The following ATP11B variants were observed in gnomAD, a reference collection of about 807,000 sequenced individuals.
ATP11B encodes phospholipid-transporting ATPase IF.
ATP11B carries 81 observed loss-of-function variants against 157.8 expected under a neutral mutation model. The observed-to-expected ratio is 0.51, with a 90% CI of 0.43 to 0.62. ATP11B has a LOEUF of 0.62. Among genes scored for constraint, ATP11B ranks in the 20% least tolerant of loss-of-function variants. ATP11B has a pLI of 0.00. For synonymous variants in ATP11B, 451 were observed against 469.4 expected, an observed-to-expected ratio of 0.96 and a Z score of 0.51; for missense variants, 1,165 against 1,402.2, an observed-to-expected ratio of 0.83 and a Z score of 2.70.
Position 182,879,538 on chromosome 3 carries a change from TG to T in ATP11B, c.2298del (p.Thr767ProfsTer37). 6.2e-7 allele frequency: 1 copy of T among 1,612,826 alleles called. No homozygotes were observed. Among genetic ancestry groups the T allele is most frequent in the Non-Finnish European group, 8.5e-7 (1 of 1,179,578 alleles). ...HVIQHGLVVD[G>X]TSLSLALREH... ...TGATTCAGCATGGGCTGGTAGTGGATGGGACCAGCCTATCTCTTGCACTCAG... is the reference window on the plus strand; with the variant it reads ...TGATTCAGCATGGGCTGGTAGTGGATGGACCAGCCTATCTCTTGCACTCAG... On this transcript the variant is annotated frameshift_variant, in exon 20 of 30. Transcript: ENST00000323116. LOFTEE classifies it high-confidence loss of function.
chr3:182,842,020 G>T (rs1719087581), intron 7 of ATP11B, 55 bp from the exon 8 acceptor site: 1 of 983,946 alleles, frequency 1.0e-6, no homozygotes, highest in East Asian at 2.7e-5. Flanking sequence ...CAAAAAAACA[G>T]CCATTGATGT....
chr3:182,918,265 G>C lies in ATP11B; in HGVS notation c.*161G>C. ...AATGGCAAACAAACAGAAAGCATTA[G>C]TACAAGCCCCTCCCAACACCCTTAA... On this transcript the variant is annotated 3_prime_UTR_variant, in exon 30 of 30. Coordinates refer to ENST00000323116, the MANE Select transcript of ATP11B (RefSeq NM_014616.3). The C allele has an allele frequency of 1.0e-6, 1 of 986,432 alleles. No individual in the cohort carries two copies. Among genetic ancestry groups the C allele is most frequent in the South Asian group, 2.4e-5 (1 of 42,020 alleles). The allele number at this position is 986,432 out of a possible 1,614,324, so 61.1% of individuals were successfully genotyped here.
At chr3:182,840,056 G>A in intron 7 of ATP11B, among the ~76,000 whole-genome samples, 1 of 152,166 alleles carries the variant, frequency 6.6e-6, no homozygotes, top group African/African-American at 2.4e-5. Context: ...TAGTCCAAGT[G>A]CATGTACTAG....
chr3:182,914,167 T>G, intron 29 of ATP11B, 173 bp downstream of exon 29: 2 of 1,419,590 alleles, frequency 1.4e-6, no homozygotes, highest in Non-Finnish European at 1.8e-6. Context: ...GGCTTTGGGG[T>G]AAGGGCTTTT....
chr3:182,835,879 C>T (rs949455377), intron 4 of ATP11B, among the ~76,000 whole-genome samples, 156 bp from the exon 5 acceptor site: 5 of 152,154 alleles, frequency 3.3e-5, no homozygotes, highest in African/African-American at 1.2e-4. Context: ...CCAGTAGGAA[C>T]AAATATCAGA....
intron 27 of ATP11B, 120 bp downstream of exon 27, chr3:182,897,526 T>C: frequency 1.5e-6 from 1 of 646,768 alleles, no homozygotes; most frequent in Non-Finnish European, 2.5e-6. Flanking sequence ...GTAAGTTTAC[T>C]TCTTCAGTTG....
chr3:182,839,121 G>A (rs945421534), intron 7 of ATP11B, among the ~76,000 whole-genome samples: 4 of 152,158 alleles, frequency 2.6e-5, no homozygotes, highest in Non-Finnish European at 2.9e-5. Flanking sequence ...AAGAGATCAC[G>A]TCTTTTGCAG....
chr3:182,814,702 A>G (rs1253005571), intron 1 of ATP11B, among the ~76,000 whole-genome samples: 3 of 152,100 alleles, frequency 2.0e-5, no homozygotes, highest in African/African-American at 7.2e-5. Context: ...CCAGCTACTC[A>G]GAGGCTGAAA....
intron 28 of ATP11B, 145 bp from the exon 29 acceptor site, chr3:182,913,716 C>A: frequency 7.4e-7 from 1 of 1,349,436 alleles, no homozygotes; most frequent in Non-Finnish European, 1.0e-6. Flanking sequence ...TAAATTAAAG[C>A]CTTTCATATG....
intron 25 of ATP11B, among the ~76,000 whole-genome samples, chr3:182,892,054 C>T (rs1221025997): frequency 6.6e-6 from 1 of 152,206 alleles, no homozygotes; most frequent in Admixed American, 6.5e-5. Flanking sequence ...TCATGTCCTA[C>T]TCAATCCCAC....
intron 13 of ATP11B, among the ~76,000 whole-genome samples, chr3:182,866,003 A>C (rs1721204317): frequency 6.6e-6 from 1 of 152,216 alleles, no homozygotes; most frequent in Non-Finnish European, 1.5e-5. Context: ...AAATTTATTT[A>C]ATACTTTTTG....
In ATP11B at chr3:182,793,819, C is replaced by T. The variant is rs959605859; in HGVS notation, c.27+33C>T. The stretch of plus-strand genomic sequence containing the variant: ...CCCCCGCCCCTCCACCTCCATTCGT[C>T]CGCCCCCGCGGGGCCTCTCGGCCCG... On this transcript the variant is annotated intron_variant, in intron 1 of 29. Coordinates refer to ENST00000323116, the MANE Select transcript of ATP11B (RefSeq NM_014616.3). 2.7e-5 allele frequency: 35 copies of T among 1,308,164 alleles called. No homozygotes were observed. In the African/African-American group the frequency reaches 4.9e-4, roughly 18 times the overall value. The allele number at this position is 1,308,164 out of a possible 1,614,324, so 81.0% of individuals were successfully genotyped here.
chr3:182,841,829 A>G (rs746207849), intron 7 of ATP11B, among the ~76,000 whole-genome samples: 1 of 151,236 alleles, frequency 6.6e-6, no homozygotes, highest in Non-Finnish European at 1.5e-5. Context: ...ATACAAAAAA[A>G]TTAGCCAGGT....
chr3:182,879,785 T>A, intron 20 of ATP11B, 136 bp downstream of exon 20: 1 of 723,900 alleles, frequency 1.4e-6, no homozygotes, highest in South Asian at 3.4e-5. Flanking sequence ...ACATCTCATG[T>A]TGTAAATTTT....
intron 1 of ATP11B, among the ~76,000 whole-genome samples, chr3:182,799,465 A>T (rs1715842182): frequency 6.6e-6 from 1 of 151,462 alleles, no homozygotes. Context: ...TTTAGTAGAG[A>T]TGGGGTTTCT....
chr3:182,910,622 G>T (rs750273318), intron 28 of ATP11B, among the ~76,000 whole-genome samples: 27 of 152,186 alleles, frequency 1.8e-4, no homozygotes, highest in Non-Finnish European at 3.8e-4. Flanking sequence ...AAAGCAAGAT[G>T]ATTACCAGGG....
At chr3:182,831,417 AGATT>A (rs1393840030) in intron 4 of ATP11B, among the ~76,000 whole-genome samples, 1 of 152,202 alleles carries the variant, frequency 6.6e-6, no homozygotes, top group Non-Finnish European at 1.5e-5. Flanking sequence ...CAGAGCAGCC[AGATT>A]GATCTCTTAA....
chr3:182,826,995 C>A (rs958761911), intron 2 of ATP11B, among the ~76,000 whole-genome samples: 2 of 152,066 alleles, frequency 1.3e-5, no homozygotes, highest in African/African-American at 2.4e-5. Flanking sequence ...TCAGAAAAAA[C>A]CCGTTGTCAA....
intron 15 of ATP11B, among the ~76,000 whole-genome samples, chr3:182,868,118 CT>C (rs1321206633): frequency 1.3e-5 from 2 of 151,842 alleles, no homozygotes; most frequent in Non-Finnish European, 2.9e-5. Context: ...TTTTTAGATG[CT>C]TCTGGGTAGT....
Sources: allele counts gnomAD v4.1 joint callset (sites outside exome capture counted in the v4.1 genomes callset), GRCh38; gene constraint gnomAD v4.1.1; transcripts MANE v1.5; gene names NCBI Gene and HGNC (gene_info 2026-07-23, HGNC 2026-07-21).